Variants in GNAI1 observed in about 807,000 individuals in gnomAD.
GNAI1 encodes guanine nucleotide-binding protein G(i) subunit alpha-1.
GNAI1 carries 11 observed loss-of-function variants against 38.9 expected under a neutral mutation model. That is an observed-to-expected ratio of 0.28 (90% CI 0.18 to 0.47). The LOEUF (loss-of-function observed/expected upper bound fraction) is 0.47. GNAI1 is among the 20% of genes least tolerant of loss of function. The pLI, the probability that GNAI1 is intolerant of heterozygous loss-of-function variation, is 0.99. For missense variants in GNAI1, 317 were observed against 436.9 expected, an observed-to-expected ratio of 0.73 and a Z score of 2.45; for synonymous variants, 166 against 145.1, an observed-to-expected ratio of 1.14 and a Z score of -1.04.
intron 3 of GNAI1, among the ~76,000 whole-genome samples, chr7:80,193,526 T>C (rs1370676120): frequency 5.9e-5 from 9 of 152,204 alleles, no homozygotes; most frequent in African/African-American, 2.2e-4. Context: ...AGTGATAATA[T>C]ATTGATAATT....
rs560325433 is a variant in GNAI1 at position 80,220,123 on chromosome 7, G to T, written c.*2630G>T. On this transcript the variant is annotated 3_prime_UTR_variant, in exon 8 of 8. Coordinates refer to ENST00000649796, the MANE Select transcript of GNAI1 (RefSeq NM_002069.6). ...GGCTCTGATTTGTCAATAAAATTAAGTATAAGTTAGCCTGCCATTTAATGC... is the reference window on the plus strand; with the variant it reads ...GGCTCTGATTTGTCAATAAAATTAATTATAAGTTAGCCTGCCATTTAATGC... 4.6e-5 allele frequency among the ~76,000 whole-genome samples: 7 copies of T among 152,152 alleles called. No homozygotes were observed. The highest frequency in any genetic ancestry group is 1.3e-4 in the Admixed American group (2 of 15,270).
At chr7:80,145,436 C>T (rs1271017071) in intron 1 of GNAI1, among the ~76,000 whole-genome samples, 1 of 152,100 alleles carries the variant, frequency 6.6e-6, no homozygotes, top group African/African-American at 2.4e-5. Flanking sequence ...GCTTCTCATT[C>T]GAACTTAATT....
intron 3 of GNAI1, among the ~76,000 whole-genome samples, chr7:80,192,253 T>C (rs1054523576): frequency 6.6e-6 from 1 of 152,170 alleles, no homozygotes; most frequent in Non-Finnish European, 1.5e-5. Flanking sequence ...AATTCTCTTA[T>C]TTTTTTAGAA....
chr7:80,163,430 A>G (rs903321599), intron 1 of GNAI1, among the ~76,000 whole-genome samples: 4 of 152,198 alleles, frequency 2.6e-5, no homozygotes, highest in African/African-American at 9.6e-5. Flanking sequence ...TAGATTCTCC[A>G]TCACTCCATT....
rs146198733 is a variant in GNAI1, at chr7:80,191,272, C to T, written c.303+2041C>T. 7.5e-3 allele frequency among the ~76,000 whole-genome samples: 1,147 copies of T among 152,130 alleles called. 9 individuals carry two copies. The highest frequency in any genetic ancestry group is 0.012 in the Non-Finnish European group (847 of 68,010). On this transcript the variant is annotated intron_variant, in intron 3 of 7. Coordinates refer to ENST00000649796, the MANE Select transcript of GNAI1 (RefSeq NM_002069.6). ...CTAAGGAATACAAAGACGAATTAAA[C>T]GTGGCCTGGACACGAGGAAGGGGCA... is the stretch of plus-strand genomic sequence containing the variant.
chr7:80,157,553 C>G (rs1165392307), intron 1 of GNAI1, among the ~76,000 whole-genome samples: 2 of 152,160 alleles, frequency 1.3e-5, no homozygotes, highest in African/African-American at 2.4e-5. Flanking sequence ...CCATTTTGCA[C>G]TTGCCAATGA....
At chr7:80,186,902 CT>C in intron 1 of GNAI1, among the ~76,000 whole-genome samples, 1 of 152,298 alleles carries the variant, frequency 6.6e-6, no homozygotes, top group Middle Eastern at 3.4e-3. Context: ...TGCCATTATG[CT>C]TTTCATGGAG....
chr7:80,206,020 T>C (rs1788768981), intron 5 of GNAI1, among the ~76,000 whole-genome samples: 1 of 152,034 alleles, frequency 6.6e-6, no homozygotes, highest in Non-Finnish European at 1.5e-5. Context: ...AAAATAATTA[T>C]CAGTTCATCT....
At chr7:80,216,516 G>C (rs1788971914) in intron 7 of GNAI1, among the ~76,000 whole-genome samples, 2 of 152,142 alleles carry the variant, frequency 1.3e-5, no homozygotes, top group Non-Finnish European at 2.9e-5. Flanking sequence ...GGATCATACA[G>C]TATGCGATCT....
intron 1 of GNAI1, among the ~76,000 whole-genome samples, chr7:80,170,167 T>TTGTG (rs1459706753): frequency 6.6e-6 from 1 of 152,206 alleles, no homozygotes; most frequent in African/African-American, 2.4e-5. Context: ...TTCATTTTTG[T>TTGTG]TGTGTATGTA....
intron 1 of GNAI1, among the ~76,000 whole-genome samples, chr7:80,159,792 C>G (rs539725691): frequency 8.5e-5 from 13 of 152,124 alleles, no homozygotes; most frequent in Non-Finnish European, 1.8e-4. Flanking sequence ...ATCTCAGCTT[C>G]CTCGCTGGTA....
At chr7:80,200,287 C>T (rs1410962731) in intron 4 of GNAI1, among the ~76,000 whole-genome samples, 2 of 119,388 alleles carry the variant, frequency 1.7e-5, no homozygotes, top group Non-Finnish European at 3.2e-5. Flanking sequence ...GCTCGTACCA[C>T]TGCACTCCAG....
intron 6 of GNAI1, 41 bp downstream of exon 6, chr7:80,211,139 G>T: frequency 6.3e-7 from 1 of 1,578,242 alleles, no homozygotes; most frequent in Non-Finnish European, 8.7e-7. Context: ...GAAACATGAA[G>T]AGCTGAAGGT....
Position 80,189,095 on chromosome 7 carries a change from T to A in GNAI1, c.167T>A (p.Ile56Asn). 6.2e-7 allele frequency: 1 copy of A among 1,605,348 alleles called. No individual in the cohort carries two copies. Among genetic ancestry groups the A allele is most frequent in the Non-Finnish European group, 8.5e-7 (1 of 1,175,506 alleles). ...KSTIVKQMKI[I>N]HEAGYSEEEC... ...TTTCCCTTTTGTCTCATTAGAATTA[T>A]CCATGAAGCTGGTTATTCAGAAGAG... The change falls in exon 3 of 8, where the codon ATC (isoleucine) becomes AAC (asparagine). Residue 56 changes from isoleucine to asparagine, a missense_variant. Ile to Asn is a moderately radical substitution (Grantham distance 149, BLOSUM62 -3). Coordinates refer to ENST00000649796, the MANE Select transcript of GNAI1 (RefSeq NM_002069.6).
At chr7:80,173,671 T>C (rs1181239539) in intron 1 of GNAI1, among the ~76,000 whole-genome samples, 1 of 152,186 alleles carries the variant, frequency 6.6e-6, no homozygotes, top group Non-Finnish European at 1.5e-5. Context: ...ATAGATGTGA[T>C]GTTCTGTGCC....
At chr7:80,204,264 T>G (rs1788735405) in intron 5 of GNAI1, among the ~76,000 whole-genome samples, 1 of 152,094 alleles carries the variant, frequency 6.6e-6, no homozygotes, top group Admixed American at 6.6e-5. Flanking sequence ...TGAACAGTTT[T>G]CTTCATAGGG....
At chr7:80,176,965 T>G (rs1584029071) in intron 1 of GNAI1, among the ~76,000 whole-genome samples, 1 of 142,658 alleles carries the variant, frequency 7.0e-6, no homozygotes, top group Admixed American at 7.0e-5. Context: ...AAAATTATAC[T>G]AAGTCTGCTG....
intron 7 of GNAI1, among the ~76,000 whole-genome samples, chr7:80,214,447 C>T (rs548355355): frequency 3.0e-4 from 46 of 152,126 alleles, no homozygotes; most frequent in Non-Finnish European, 5.9e-4. Flanking sequence ...TGTATACCTA[C>T]GGGGATTTTA....
intron 1 of GNAI1, among the ~76,000 whole-genome samples, chr7:80,146,735 C>A (rs1787630072): frequency 6.6e-6 from 1 of 152,156 alleles, no homozygotes. Flanking sequence ...TTCTCTGGTT[C>A]TTTTCCATTT....
Sources: allele counts gnomAD v4.1 joint callset (sites outside exome capture counted in the v4.1 genomes callset), GRCh38; gene constraint gnomAD v4.1.1; transcripts MANE v1.5; gene names NCBI Gene and HGNC (gene_info 2026-07-23, HGNC 2026-07-21).